The following C4BPA variants were observed in gnomAD, a reference collection of about 807,000 sequenced individuals.
The protein encoded by C4BPA is complement component 4 binding protein alpha.
In C4BPA, 31 loss-of-function variants were observed where a neutral mutation model predicts 63.7. The ratio of observed to expected loss-of-function variants is 0.49; its 90% CI spans 0.37 to 0.66. The LOEUF (loss-of-function observed/expected upper bound fraction) is 0.66. C4BPA is among the 30% of genes least tolerant of loss of function. The probability of loss-of-function intolerance (pLI) is 0.00; values close to 1 mark genes in which losing one functional copy is unlikely to be tolerated. For missense variants in C4BPA, 572 were observed against 723.3 expected, an observed-to-expected ratio of 0.79 and a Z score of 2.40; for synonymous variants, 259 against 254.7, an observed-to-expected ratio of 1.02 and a Z score of -0.16.
chr1:207,105,574 G>GA lies in C4BPA; in HGVS notation c.-26+1154dup, dbSNP rs61350433. 9.2e-3 allele frequency among the ~76,000 whole-genome samples: 1,198 copies of GA among 130,164 alleles called. 20 individuals are homozygous for GA. Among genetic ancestry groups the GA allele is most frequent in the African/African-American group, 0.033 (1,118 of 33,990 alleles). The allele number at this position is 130,164 out of a possible 152,430, so 85.4% of individuals were successfully genotyped here. On this transcript the variant is annotated intron_variant, in intron 1 of 11. Transcript: ENST00000367070. ...CTCCACCTCAAAAAAAAAAAAAAAA[G>GA]AAAAAAAAAAGAGATTCTAGGAAGG...
At chr1:207,129,474 C>T (rs1685117458) in intron 7 of C4BPA, among the ~76,000 whole-genome samples, 3 of 148,292 alleles carry the variant, frequency 2.0e-5, no homozygotes, top group African/African-American at 7.4e-5. Flanking sequence ...ATCCAAGAAG[C>T]TTGTTGAACT....
intron 9 of C4BPA, among the ~76,000 whole-genome samples, chr1:207,134,819 T>G (rs1330363476): frequency 6.6e-6 from 1 of 152,260 alleles, no homozygotes; most frequent in African/African-American, 2.4e-5. Context: ...ATAAATAAGC[T>G]GGACTTTTCA....
Position 207,141,161 on chromosome 1 carries a change from C to T in C4BPA, c.1329C>T (p.Tyr443=). The T allele has an allele frequency of 1.2e-6, 2 of 1,613,492 alleles. No homozygotes were observed. Among genetic ancestry groups the T allele is most frequent in the Admixed American group, 1.7e-5 (1 of 59,970 alleles). Residue 443 remains tyrosine (Y), a synonymous_variant, in exon 10 of 12, where the codon TAC becomes TAT. Transcript: ENST00000367070. ...AHGHYKQSSS[Y]SFFKEEIIYE... ...GGCATTATAAACAATCTAGTTCATA[C>T]AGCTTTTTCAAAGAAGAGATTATAT... is the stretch of plus-strand genomic sequence containing the variant.
chr1:207,141,255 G>C lies in C4BPA; in HGVS notation c.1423G>C (p.Ala475Pro). 6.2e-7 allele frequency: 1 copy of C among 1,613,176 alleles called. No individual in the cohort carries two copies. The highest frequency in any genetic ancestry group is 8.5e-7 in the Non-Finnish European group (1 of 1,179,724). The stretch of plus-strand genomic sequence containing the variant: ...CTCCTGCAGTTATTCACACTGGTCA[G>C]CTCCAGCCCCTCAATGTAAAGGTAA... ...KLSCSYSHWS[A>P]PAPQCKALCR... The change falls in exon 10 of 12, where the codon GCT becomes CCT. Residue 475 changes from alanine (A) to proline (P), a missense_variant. Transcript: ENST00000367070.
chr1:207,131,124 GT>G (rs1291901975), intron 7 of C4BPA, among the ~76,000 whole-genome samples: 1 of 152,136 alleles, frequency 6.6e-6, no homozygotes, highest in African/African-American at 2.4e-5. Flanking sequence ...TTGGAGCTTG[GT>G]TTTTTTCTTG....
chr1:207,117,450 C>T (rs935566758), intron 4 of C4BPA, among the ~76,000 whole-genome samples: 6 of 151,966 alleles, frequency 3.9e-5, no homozygotes, highest in Admixed American at 2.0e-4. Flanking sequence ...GACCTCATCT[C>T]GAAAAATAAA....
Position 207,114,485 on chromosome 1 carries a change from C to CTTTTTTT in C4BPA, c.328+220_328+226dup, listed in dbSNP as rs34895847. 1.8e-4 allele frequency among the ~76,000 whole-genome samples: 11 copies of CTTTTTTT among 59,538 alleles called. 1 individual carries two copies. The highest frequency in any genetic ancestry group is 4.9e-4 in the East Asian group (1 of 2,058). 39.1% of individuals were successfully genotyped at this position (59,538 alleles called of 152,430 possible). On this transcript the variant is annotated intron_variant, in intron 3 of 11. Coordinates refer to ENST00000367070, the MANE Select transcript of C4BPA (RefSeq NM_000715.4). Reference sequence around the variant, plus strand: ...AATTGCATTGAAAAATAACTCTGTTCTTTTTTTTTTTTTTTTTTTTTTTTT... The same window carrying CTTTTTTT: ...AATTGCATTGAAAAATAACTCTGTTCTTTTTTTTTTTTTTTTTTTTTTTTTTTTTTTT...
rs1684518659 is a variant in C4BPA at position 207,104,364 on chromosome 1, T to A, written c.-92T>A. ...ACCAGGACTACATAGATCAAGGCAG[T>A]TTTCTTCTTTGAGAAACTATCCCAG... is the stretch of plus-strand genomic sequence containing the variant. On this transcript the variant is annotated 5_prime_UTR_variant, in exon 1 of 12. Coordinates refer to ENST00000367070, the MANE Select transcript of C4BPA (RefSeq NM_000715.4). The A allele has an allele frequency of 6.6e-6, 1 of 152,230 alleles. No individual in the cohort carries two copies. Among genetic ancestry groups the A allele is most frequent in the Admixed American group, 6.5e-5 (1 of 15,286 alleles). 9.4% of individuals were successfully genotyped at this position (152,230 alleles called of 1,614,324 possible).
chr1:207,127,340 A>T (rs920016518), intron 7 of C4BPA: 3 of 152,284 alleles, frequency 2.0e-5, no homozygotes, highest in African/African-American at 7.2e-5. Flanking sequence ...TGATTCCAAC[A>T]CTCTGAAGTT....
intron 1 of C4BPA, among the ~76,000 whole-genome samples, chr1:207,106,441 G>GTTTTTTTTTTTTTTT (rs757122192): frequency 5.9e-5 from 7 of 118,440 alleles, no homozygotes; most frequent in African/African-American, 2.2e-4. Flanking sequence ...CTCCGTGTAA[G>GTTTTTTTTTTTTTTT]TTTTTTTTTT....
At chr1:207,107,825 T>TG (rs1355768474) in intron 1 of C4BPA, among the ~76,000 whole-genome samples, 1 of 152,160 alleles carries the variant, frequency 6.6e-6, no homozygotes, top group Admixed American at 6.5e-5. Flanking sequence ...ACCTGGACTA[T>TG]GGAAGTGGAG....
chr1:207,133,933 C>G (rs896559947), intron 8 of C4BPA, among the ~76,000 whole-genome samples: 4 of 152,018 alleles, frequency 2.6e-5, no homozygotes, highest in African/African-American at 9.7e-5. Flanking sequence ...AATAATGAAG[C>G]CATAAGTAAA....
chr1:207,138,058 G>C (rs746932610), intron 9 of C4BPA, among the ~76,000 whole-genome samples: 56 of 152,166 alleles, frequency 3.7e-4, no homozygotes, highest in Non-Finnish European at 1.3e-4. Flanking sequence ...CGAGAGGAAG[G>C]GTCCATTCAG....
At chr1:207,139,595 G>A (rs920697288) in intron 9 of C4BPA, among the ~76,000 whole-genome samples, 22 of 152,148 alleles carry the variant, frequency 1.4e-4, no homozygotes, top group African/African-American at 5.3e-4. Context: ...TGTCTATTCT[G>A]ACTATACGTT....
At chr1:207,109,436 A>T (rs1490039000) in intron 1 of C4BPA, among the ~76,000 whole-genome samples, 1 of 152,192 alleles carries the variant, frequency 6.6e-6, no homozygotes, top group Non-Finnish European at 1.5e-5. Context: ...CCCTCTCAGA[A>T]ATTCCGAGAT....
chr1:207,122,865 C>T (rs773847017), intron 4 of C4BPA, among the ~76,000 whole-genome samples: 2 of 152,200 alleles, frequency 1.3e-5, no homozygotes, highest in African/African-American at 4.8e-5. Context: ...TAAGCCACCA[C>T]ACCTGGCCTG....
intron 4 of C4BPA, among the ~76,000 whole-genome samples, chr1:207,117,915 G>A (rs1684837084): frequency 6.6e-6 from 1 of 152,028 alleles, no homozygotes; most frequent in Non-Finnish European, 1.5e-5. Flanking sequence ...GTCTATTTTG[G>A]CATATTCTGC....
intron 10 of C4BPA, among the ~76,000 whole-genome samples, chr1:207,142,775 A>G (rs924642203): frequency 2.6e-5 from 4 of 152,192 alleles, no homozygotes; most frequent in Admixed American, 1.3e-4. Context: ...AGTGACAGTT[A>G]CCTCGTTAGT....
chr1:207,124,087 G>A lies in C4BPA; in HGVS notation c.514+80G>A. The stretch of plus-strand genomic sequence containing the variant: ...AGTCCCTGTGCATCTTTACAGGTAT[G>A]TGTACCTTCCATTAGAATTTGCATG... On this transcript the variant is annotated intron_variant, in intron 5 of 11. Coordinates refer to ENST00000367070, the MANE Select transcript of C4BPA (RefSeq NM_000715.4). The A allele has an allele frequency of 2.0e-6, 3 of 1,477,940 alleles. No individual in the cohort carries two copies. In the South Asian group the frequency reaches 3.4e-5, roughly 17 times the overall value. 91.6% of individuals were successfully genotyped at this position (1,477,940 alleles called of 1,614,324 possible). A position where few individuals can be genotyped will look rare whatever the true frequency, so the allele number is the denominator to read the frequency against.
Sources: allele counts gnomAD v4.1 joint callset (sites outside exome capture counted in the v4.1 genomes callset), GRCh38; gene constraint gnomAD v4.1.1; transcripts MANE v1.5; gene names NCBI Gene and HGNC (gene_info 2026-07-23, HGNC 2026-07-21).